TICAM1: variants seen among roughly 807,000 people sequenced by gnomAD.
TICAM1 encodes TIR domain containing adaptor molecule 1, also known as TIR domain-containing adapter molecule 1.
For synonymous variants in TICAM1, 439 were observed against 415.4 expected, an observed-to-expected ratio of 1.06 and a Z score of -0.69; for missense variants, 895 against 938.2, an observed-to-expected ratio of 0.95 and a Z score of 0.60.
intron 1 of TICAM1, among the ~76,000 whole-genome samples, chr19:4,829,033 G>A (rs1332742808): frequency 1.3e-5 from 2 of 151,880 alleles, no homozygotes; most frequent in East Asian, 1.9e-4. Flanking sequence ...CAGGGTTTCA[G>A]GCTGTTGGCC....
At position 4,825,998 on chromosome 19, in the gene TICAM1, T is replaced by A. The variant is rs998827252; in HGVS notation, c.-140+5616A>T. 2.0e-5 allele frequency among the ~76,000 whole-genome samples: 3 copies of A among 151,010 alleles called. 1 individual carries two copies. Among genetic ancestry groups the A allele is most frequent in the East Asian group, 3.9e-4 (2 of 5,140 alleles). ...AAACAAATAAATAAATAAATAAAAT[T>A]AAAATAAAAATAATTAGCTGGGTGT... On this transcript the variant is annotated intron_variant, in intron 1 of 1. Coordinates refer to ENST00000248244, the MANE Select transcript of TICAM1 (RefSeq NM_182919.4).
rs574712872 is a variant in TICAM1 at position 4,824,012 on chromosome 19, A to C, written c.-139-5496T>G. Among the ~76,000 whole-genome samples, 714 of 147,946 alleles carry C rather than the reference A, an allele frequency of 4.8e-3. 4 individuals are homozygous for C. The highest frequency in any genetic ancestry group is 0.017 in the African/African-American group (678 of 40,454). The stretch of plus-strand genomic sequence containing the variant: ...GGTAGTAAAGAGACACTGAATTTTA[A>C]TTTTTTTTTTTTTTAGGATGAAGTC... On this transcript the variant is annotated intron_variant, in intron 1 of 1. Transcript: ENST00000248244.
rs772478656 is a variant in TICAM1, at chr19:4,817,800, G to C, written c.578C>G (p.Ser193Cys). 11 of 1,598,998 alleles carry C rather than the reference G, an allele frequency of 6.9e-6. No homozygotes were observed. The highest frequency in any genetic ancestry group is 2.2e-5 in the South Asian group (2 of 89,644). The change falls in exon 2 of 2, where the codon TCC (serine) becomes TGC (cysteine). Residue 193 changes from serine (S) to cysteine (C), a missense_variant. Physicochemically the swap from Ser to Cys is moderately radical, Grantham distance 112. Coordinates refer to ENST00000248244, the MANE Select transcript of TICAM1 (RefSeq NM_182919.4). The surrounding 1 kb of genome is among the most constrained non-coding windows in gnomAD (Gnocchi z 4.7). ...DGVSDWSQGC[S>C]LRSTGSPASL... is the part of the protein sequence containing the mutation. ...GGCAGGGCTGCCAGTGGATCGCAGGGAGCACCCTTGGCTCCAGTCCGAAAC... is the reference window on the plus strand; with the variant it reads ...GGCAGGGCTGCCAGTGGATCGCAGGCAGCACCCTTGGCTCCAGTCCGAAAC...
At chr19:4,823,464 TA>T (rs796260133) in intron 1 of TICAM1, among the ~76,000 whole-genome samples, 3,524 of 93,728 alleles carry the variant, frequency 0.038, 97 homozygotes, top group African/African-American at 0.097. Flanking sequence ...GACTCTGTCT[TA>T]AAAAAAAAAA....
At chr19:4,826,632 G>C (rs1034786941) in intron 1 of TICAM1, among the ~76,000 whole-genome samples, 1 of 152,020 alleles carries the variant, frequency 6.6e-6, no homozygotes, top group African/African-American at 2.4e-5. Context: ...GCTGCTTCAT[G>C]TTATATTTCT....
intron 1 of TICAM1, among the ~76,000 whole-genome samples, chr19:4,829,154 A>C (rs2093610219): frequency 6.6e-6 from 1 of 152,132 alleles, no homozygotes; most frequent in South Asian, 2.1e-4. Flanking sequence ...CTCTTAAAGC[A>C]GTGCCTGGCA....
intron 1 of TICAM1, among the ~76,000 whole-genome samples, chr19:4,824,090 C>T (rs1327104193): frequency 2.0e-5 from 3 of 152,088 alleles, no homozygotes; most frequent in African/African-American, 7.2e-5. Context: ...CTCACTGCCA[C>T]CCCCCTCTCC....
chr19:4,831,226 T>C (rs2093613195), intron 1 of TICAM1, among the ~76,000 whole-genome samples: 1 of 145,186 alleles, frequency 6.9e-6, no homozygotes, highest in East Asian at 2.0e-4. Context: ...AAATATGGGG[T>C]GTGAGGTAGG....
rs747334545 is a variant in TICAM1, at chr19:4,816,977, G to T, written c.1401C>A (p.His467Gln). The T allele has an allele frequency of 6.2e-7, 1 of 1,614,102 alleles. No homozygotes were observed. Among genetic ancestry groups the T allele is most frequent in the South Asian group, 1.1e-5 (1 of 91,092 alleles). ...TGCTCATCATGGCTTGGTTCACCTGGTGCAGGCTCAGGCGACAGTCGAAGT... is the reference window on the plus strand; with the variant it reads ...TGCTCATCATGGCTTGGTTCACCTGTTGCAGGCTCAGGCGACAGTCGAAGT... ...TSNFDCRLSL[H>Q]QVNQAMMSNL... The change falls in exon 2 of 2, where the codon CAC (histidine) becomes CAA (glutamine). Residue 467 changes from histidine (H) to glutamine (Q), a missense_variant. Coordinates refer to ENST00000248244, the MANE Select transcript of TICAM1 (RefSeq NM_182919.4). The surrounding 1 kb of genome is among the most constrained non-coding windows in gnomAD (Gnocchi z 4.3).
At chr19:4,829,093 C>T (rs1334208322) in intron 1 of TICAM1, among the ~76,000 whole-genome samples, 1 of 152,170 alleles carries the variant, frequency 6.6e-6, no homozygotes, top group East Asian at 1.9e-4. Flanking sequence ...CCTTGGCCTC[C>T]CAGAGTGCTG....
At position 4,816,859 on chromosome 19, in the gene TICAM1, G is replaced by A; in HGVS notation, c.1519C>T (p.Leu507Phe). The A allele has an allele frequency of 6.2e-7, 1 of 1,612,660 alleles. No homozygotes were observed. The highest frequency in any genetic ancestry group is 8.5e-7 in the Non-Finnish European group (1 of 1,180,028). ...TCGTCCAGCCGCACCAGCCCGGAGA[G>A]CAGGCTGGCCGTGTCGGAGCTGAGC... is the stretch of plus-strand genomic sequence containing the variant. ...AQLSSDTASL[L>F]SGLVRLDEHS... Residue 507 changes from leucine to phenylalanine, a missense_variant, in exon 2 of 2, where the codon CTC becomes TTC. By Grantham distance (22) the Leu-to-Phe change is conservative (BLOSUM62 0). Transcript: ENST00000248244. This position sits in a 1 kb window ranked among gnomAD's most constrained non-coding sequence, Gnocchi z 4.3.
At chr19:4,827,372 CAAAAAAAAAAAAAAAAAAAA>C (rs57574607) in intron 1 of TICAM1, among the ~76,000 whole-genome samples, 1 of 54,148 alleles carries the variant, frequency 1.8e-5, no homozygotes, top group Non-Finnish European at 3.3e-5. Context: ...ACTCTGTCTC[CAAAAAAAAAAAAAAAAAAAA>C]AAAAAAAAAA....
chr19:4,821,079 C>A (rs1189149006), intron 1 of TICAM1, among the ~76,000 whole-genome samples: 1 of 151,130 alleles, frequency 6.6e-6, no homozygotes, highest in Admixed American at 6.6e-5. Flanking sequence ...ACCTGTACTC[C>A]CAGCTACTTG....
In TICAM1 at chr19:4,822,017, C is replaced by T. The variant is rs143954742; in HGVS notation, c.-139-3501G>A. Among the ~76,000 whole-genome samples the T allele has an allele frequency of 5.2e-3, 789 of 152,024 alleles. 7 individuals carry two copies. Among genetic ancestry groups the T allele is most frequent in the African/African-American group, 0.018 (752 of 41,458 alleles). On this transcript the variant is annotated intron_variant, in intron 1 of 1. Coordinates refer to ENST00000248244, the MANE Select transcript of TICAM1 (RefSeq NM_182919.4). The stretch of plus-strand genomic sequence containing the variant: ...ATGGTGCAATCTCAGCTCACCGTAA[C>T]CTCCACCTCCCGGATTCAAGCAATT...
chr19:4,820,114 C>T (rs2093594697), intron 1 of TICAM1, among the ~76,000 whole-genome samples: 1 of 152,018 alleles, frequency 6.6e-6, no homozygotes, highest in Non-Finnish European at 1.5e-5. Flanking sequence ...TTTTAAGAGA[C>T]TTTGTGAGTT....
chr19:4,827,392 A>AAAAAAAAAC, intron 1 of TICAM1, among the ~76,000 whole-genome samples: 1 of 146,664 alleles, frequency 6.8e-6, no homozygotes, highest in East Asian at 1.9e-4. Flanking sequence ...AAAAAAAAAA[A>AAAAAAAAAC]AAAAAAAAAA....
At chr19:4,826,942 A>C (rs1012450323) in intron 1 of TICAM1, among the ~76,000 whole-genome samples, 11 of 152,164 alleles carry the variant, frequency 7.2e-5, no homozygotes, top group African/African-American at 2.7e-4. Context: ...GGAAATAAGC[A>C]TATGGCCTAA....
At chr19:4,826,319 T>G (rs1001797552) in intron 1 of TICAM1, among the ~76,000 whole-genome samples, 1 of 98,890 alleles carries the variant, frequency 1.0e-5, no homozygotes, top group Non-Finnish European at 1.8e-5. Context: ...ATATATATAT[T>G]TATTTATTTA....
chr19:4,825,520 A>G (rs1224923517), intron 1 of TICAM1, among the ~76,000 whole-genome samples: 1 of 147,260 alleles, frequency 6.8e-6, no homozygotes, highest in Non-Finnish European at 1.5e-5. Flanking sequence ...CGCGGCCGGC[A>G]TTTTATCTAA....
Sources: allele counts gnomAD v4.1 joint callset (sites outside exome capture counted in the v4.1 genomes callset), GRCh38; gene constraint gnomAD v4.1.1; non-coding constraint Gnocchi (gnomAD v3.1); transcripts MANE v1.5; gene names NCBI Gene and HGNC (gene_info 2026-07-23, HGNC 2026-07-21).